The following HECW1 variants were observed in gnomAD, a reference collection of about 807,000 sequenced individuals.
HECW1 encodes E3 ubiquitin-protein ligase HECW1.
Under a neutral mutation model 182.3 loss-of-function variants are expected in HECW1, and 61 were observed. The observed-to-expected ratio is 0.33, with a 90% confidence interval of 0.27 to 0.41. The LOEUF is 0.41. Ranked by LOEUF, HECW1 falls within the 10% of genes least tolerant of loss-of-function variation. The pLI, the probability that HECW1 is intolerant of heterozygous loss-of-function variation, is 1.00. For synonymous variants in HECW1, 859 were observed against 832.6 expected (o/e 1.03, Z -0.55); for missense variants, 1,739 against 2,108.9 (o/e 0.82, Z 3.44).
At chr7:43,201,500 A>G (rs1795011840) in intron 2 of HECW1, among the ~76,000 whole-genome samples, 1 of 152,192 alleles carries the variant, frequency 6.6e-6, no homozygotes, top group African/African-American at 2.4e-5. Context: ...TAAACCTATA[A>G]TATTTTTAGG....
In HECW1 at chr7:43,505,760, A is replaced by C. The variant is rs529239761; in HGVS notation, c.3632-1377A>C. ...TCTAATTTGTGCCTATTTATTCTTT[A>C]GATTGTCCCCAGAGAAGCCTTCCCA... On this transcript the variant is annotated intron_variant, in intron 21 of 29. Coordinates refer to ENST00000395891, the MANE Select transcript of HECW1 (RefSeq NM_015052.5). Among the ~76,000 whole-genome samples the C allele has an allele frequency of 1.6e-4, 24 of 152,284 alleles. 1 individual carries two copies. In the South Asian group the frequency reaches 5.0e-3, roughly 32 times the overall value.
At chr7:43,481,891 C>CAGGAGAATGGT (rs2078448702) in intron 17 of HECW1, among the ~76,000 whole-genome samples, 1 of 148,782 alleles carries the variant, frequency 6.7e-6, no homozygotes, top group Non-Finnish European at 1.5e-5. Context: ...GAGGCTGAGG[C>CAGGAGAATGGT]GTGAACCCGG....
chr7:43,235,033 G>A (rs1798199491), intron 2 of HECW1, among the ~76,000 whole-genome samples: 1 of 152,154 alleles, frequency 6.6e-6, no homozygotes, highest in Admixed American at 6.5e-5. Context: ...CCAATCCCCT[G>A]CCAGACCCGT....
intron 24 of HECW1, among the ~76,000 whole-genome samples, chr7:43,540,051 T>G (rs148132173): frequency 6.6e-6 from 1 of 152,350 alleles, no homozygotes; most frequent in East Asian, 1.9e-4. Flanking sequence ...AACACTAGCA[T>G]GTTATTTCAT....
intron 2 of HECW1, among the ~76,000 whole-genome samples, chr7:43,211,924 A>C (rs1796041611): frequency 6.6e-6 from 1 of 152,188 alleles, no homozygotes; most frequent in Non-Finnish European, 1.5e-5. Flanking sequence ...ATGTGGAGTA[A>C]TGACAAGTTT....
intron 3 of HECW1, among the ~76,000 whole-genome samples, chr7:43,285,852 G>A (rs2214610): frequency 0.68 from 103,348 of 152,154 alleles, 37,032 homozygotes; most frequent in African/African-American, 0.92. Flanking sequence ...ATAAATGACA[G>A]TGAGCTAGAT....
chr7:43,548,028 T>C (rs1473063331), intron 26 of HECW1, among the ~76,000 whole-genome samples: 4 of 152,284 alleles, frequency 2.6e-5, no homozygotes, highest in Admixed American at 6.5e-5. Flanking sequence ...CAGTATGTAC[T>C]ACAGTTAATT....
intron 5 of HECW1, among the ~76,000 whole-genome samples, chr7:43,353,973 C>T (rs564783674): frequency 3.2e-4 from 49 of 152,278 alleles, no homozygotes; most frequent in African/African-American, 1.2e-3. Flanking sequence ...GGCATGAGCC[C>T]TTAGCCAGTT....
intron 27 of HECW1, among the ~76,000 whole-genome samples, chr7:43,550,893 C>T (rs17172226): frequency 0.026 from 3,947 of 152,274 alleles, 184 homozygotes; most frequent in African/African-American, 0.09. Context: ...TCTCTTGTCA[C>T]AATATATGCA....
chr7:43,362,053 A>C (rs1451296374), intron 6 of HECW1, among the ~76,000 whole-genome samples: 2 of 148,632 alleles, frequency 1.3e-5, no homozygotes, highest in East Asian at 2.0e-4. Context: ...AGGCAGAAGA[A>C]TCACTTGAAC....
Position 43,445,145 on chromosome 7 carries a change from G to C in HECW1, c.1973G>C (p.Ser658Thr). 1 of 1,610,606 alleles carries C rather than the reference G, an allele frequency of 6.2e-7. No individual in the cohort carries two copies. The highest frequency in any genetic ancestry group is 2.2e-5 in the East Asian group (1 of 44,832). ...GDTHPSTGSE[S>T]DSSPRQGGDH... is the part of the protein sequence containing the mutation. Reference sequence around the variant, plus strand: ...ACGCACCCCAGCACCGGGAGCGAGAGCGACTCCAGCCCCAGGCAAGGCGGG... The same window carrying C: ...ACGCACCCCAGCACCGGGAGCGAGACCGACTCCAGCCCCAGGCAAGGCGGG... The change falls in exon 11 of 30, where the codon AGC (serine) becomes ACC (threonine). Residue 658 changes from serine (S) to threonine (T), a missense_variant. Transcript: ENST00000395891.
At chr7:43,433,718 C>T (rs768853013) in intron 8 of HECW1, among the ~76,000 whole-genome samples, 10 of 152,164 alleles carry the variant, frequency 6.6e-5, no homozygotes, top group Admixed American at 1.3e-4. Flanking sequence ...GACTCTGATG[C>T]TCTGATGAAG....
intron 2 of HECW1, among the ~76,000 whole-genome samples, chr7:43,180,911 A>C (rs1792790327): frequency 6.6e-6 from 1 of 152,104 alleles, no homozygotes; most frequent in Non-Finnish European, 1.5e-5. Flanking sequence ...AACCATAGTC[A>C]CCCTACTGTG....
chr7:43,181,771 A>T (rs766709029), intron 2 of HECW1, among the ~76,000 whole-genome samples: 1 of 150,320 alleles, frequency 6.7e-6, no homozygotes, highest in African/African-American at 2.5e-5. Context: ...ATATTTTCTC[A>T]TATTGTTTTT....
At chr7:43,267,204 CT>C (rs1200579868) in intron 3 of HECW1, among the ~76,000 whole-genome samples, 5 of 152,088 alleles carry the variant, frequency 3.3e-5, no homozygotes, top group African/African-American at 1.2e-4. Flanking sequence ...TATAAAGCAT[CT>C]ATACAATTAG....
At chr7:43,302,950 T>TGCGCACACACAC (rs1554347436) in intron 3 of HECW1, among the ~76,000 whole-genome samples, 2 of 151,594 alleles carry the variant, frequency 1.3e-5, no homozygotes, top group Non-Finnish European at 2.9e-5. Flanking sequence ...CACACACACA[T>TGCGCACACACAC]GCGCGCACAC....
At chr7:43,193,628 C>T (rs534325660) in intron 2 of HECW1, among the ~76,000 whole-genome samples, 4 of 152,172 alleles carry the variant, frequency 2.6e-5, no homozygotes, top group African/African-American at 7.2e-5. Context: ...GTGATCCACC[C>T]GACTCAGCCT....
At chr7:43,384,423 T>C (rs543969491) in intron 6 of HECW1, among the ~76,000 whole-genome samples, 2 of 152,326 alleles carry the variant, frequency 1.3e-5, no homozygotes, top group Admixed American at 1.3e-4. Context: ...AGCCCCAAGA[T>C]GGCGGTGTGC....
At chr7:43,305,908 G>A (rs913072096) in intron 3 of HECW1, among the ~76,000 whole-genome samples, 1 of 151,932 alleles carries the variant, frequency 6.6e-6, no homozygotes, top group Non-Finnish European at 1.5e-5. Context: ...TTACAGGCAT[G>A]TGCCACCACG....
Sources: allele counts gnomAD v4.1 joint callset (sites outside exome capture counted in the v4.1 genomes callset), GRCh38; gene constraint gnomAD v4.1.1; transcripts MANE v1.5; gene names NCBI Gene and HGNC (gene_info 2026-07-23, HGNC 2026-07-21).